The following NRXN1 variants were observed in gnomAD, a reference collection of about 807,000 sequenced individuals.
NRXN1 encodes the protein neurexin-1.
A neutral mutation model predicts 150.9 loss-of-function variants in NRXN1; 39 were observed. The observed-to-expected ratio is 0.26, with a 90% CI of 0.20 to 0.34. The LOEUF (loss-of-function observed/expected upper bound fraction) is 0.34. NRXN1 is among the 10% of genes least tolerant of loss of function. NRXN1 has a pLI of 1.00. For missense variants in NRXN1, 1,815 were observed against 1,949.9 expected, an observed-to-expected ratio of 0.93 and a Z score of 1.30; for synonymous variants, 924 against 757.0, an observed-to-expected ratio of 1.22 and a Z score of -3.62.
chr2:50,829,370 C>T, intron 5 of NRXN1: 17 of 972,782 alleles, frequency 1.7e-5, no homozygotes, highest in East Asian at 7.8e-5. Context: ...TCAGGTGATC[C>T]GCCCGCCTCG....
intron 18 of NRXN1, among the ~76,000 whole-genome samples, chr2:50,107,133 C>A (rs41452045): frequency 0.023 from 3,547 of 151,954 alleles, 140 homozygotes; most frequent in African/African-American, 0.081. Flanking sequence ...GTGAGCCTTG[C>A]GGCATTCCAC....
intron 15 of NRXN1, among the ~76,000 whole-genome samples, chr2:50,488,411 C>T (rs1249025611): frequency 6.6e-6 from 1 of 152,122 alleles, no homozygotes; most frequent in African/African-American, 2.4e-5. Flanking sequence ...CTGAGAAGGC[C>T]AAGTTTACCA....
At chr2:49,946,822 G>A (rs1672990492) in intron 21 of NRXN1, among the ~76,000 whole-genome samples, 1 of 152,082 alleles carries the variant, frequency 6.6e-6, no homozygotes, top group Non-Finnish European at 1.5e-5. Flanking sequence ...TATGCTACAA[G>A]GCTACAGTAA....
At chr2:50,511,223 G>T (rs1305406218) in intron 12 of NRXN1, among the ~76,000 whole-genome samples, 1 of 152,056 alleles carries the variant, frequency 6.6e-6, no homozygotes, top group Non-Finnish European at 1.5e-5. Flanking sequence ...ACCATGCCCA[G>T]CTAATTTTTG....
At chr2:51,029,651 A>G (rs1671169660) in intron 1 of NRXN1, among the ~76,000 whole-genome samples, 1 of 152,254 alleles carries the variant, frequency 6.6e-6, no homozygotes, top group South Asian at 2.1e-4. Context: ...GGAAGCTGCC[A>G]GCTTAGACTT....
At chr2:50,551,257 T>A (rs922470000) in intron 9 of NRXN1, 1 of 152,112 alleles carries the variant, frequency 6.6e-6, no homozygotes, top group Non-Finnish European at 1.5e-5. Flanking sequence ...GGAATCAGAG[T>A]AATGGGTTCT....
chr2:50,911,971 T>C (rs1684588925), intron 5 of NRXN1, among the ~76,000 whole-genome samples: 1 of 151,898 alleles, frequency 6.6e-6, no homozygotes, highest in South Asian at 2.1e-4. Context: ...TTTTCAGTCC[T>C]TTCATAATGG....
chr2:50,663,491 A>G (rs1687598358), intron 5 of NRXN1, among the ~76,000 whole-genome samples: 1 of 152,028 alleles, frequency 6.6e-6, no homozygotes, highest in African/African-American at 2.4e-5. Context: ...GAACCTTTAA[A>G]TTGGAGACTG....
intron 5 of NRXN1, chr2:50,912,919 G>C (rs1684730127): frequency 6.6e-6 from 1 of 151,708 alleles, no homozygotes; most frequent in Non-Finnish European, 1.5e-5. Context: ...GGATCAATCA[G>C]CTTCTCTCTT....
chr2:50,209,264 C>T (rs890715456), intron 18 of NRXN1, among the ~76,000 whole-genome samples: 7 of 152,106 alleles, frequency 4.6e-5, no homozygotes, highest in Non-Finnish European at 8.8e-5. Context: ...TGGACTCTAG[C>T]GTTCATTATA....
chr2:50,808,971 A>C (rs1667863355), intron 5 of NRXN1, among the ~76,000 whole-genome samples: 1 of 152,088 alleles, frequency 6.6e-6, no homozygotes, highest in Non-Finnish European at 1.5e-5. Flanking sequence ...TTTTAGGAAA[A>C]AATCTTTCTA....
rs563045904 is a variant in NRXN1, at chr2:49,994,843, G to A, written c.4129-51052C>T. Among the ~76,000 whole-genome samples, 461 of 152,326 alleles carry A rather than the reference G, an allele frequency of 3.0e-3. 2 individuals are homozygous for A. The highest frequency in any genetic ancestry group is 4.1e-3 in the Non-Finnish European group (281 of 68,044). The stretch of plus-strand genomic sequence containing the variant: ...TGAATTTCTAGAAGTTAATAAACAG[G>A]TTGGTAGTTTTCTTCCACTTTGCTC... On this transcript the variant is annotated intron_variant, in intron 21 of 22. Coordinates refer to ENST00000401669, the MANE Select transcript of NRXN1 (RefSeq NM_001330078.2).
intron 17 of NRXN1, among the ~76,000 whole-genome samples, chr2:50,258,289 C>G (rs1481094512): frequency 6.6e-6 from 1 of 152,070 alleles, no homozygotes; most frequent in African/African-American, 2.4e-5. Context: ...CCTGCTGCTG[C>G]TTTTTCAACT....
chr2:50,397,687 T>C (rs1642245816), intron 17 of NRXN1, among the ~76,000 whole-genome samples: 2 of 152,158 alleles, frequency 1.3e-5, no homozygotes, highest in South Asian at 4.1e-4. Context: ...ACAGTTGTTT[T>C]CTGGCTACTG....
At chr2:50,564,447 G>T (rs143224565) in intron 8 of NRXN1, among the ~76,000 whole-genome samples, 7 of 152,022 alleles carry the variant, frequency 4.6e-5, no homozygotes, top group Non-Finnish European at 8.8e-5. Context: ...CTCAAATTTC[G>T]TAATTTTATC....
chr2:50,885,621 G>C (rs1680116150), intron 5 of NRXN1, among the ~76,000 whole-genome samples: 1 of 151,348 alleles, frequency 6.6e-6, no homozygotes, highest in South Asian at 2.1e-4. Flanking sequence ...TGTCCCAGGA[G>C]ATATGAAGTC....
chr2:50,926,996 T>C (rs1420207004), intron 2 of NRXN1, among the ~76,000 whole-genome samples: 1 of 151,928 alleles, frequency 6.6e-6, no homozygotes, highest in East Asian at 1.9e-4. Flanking sequence ...AAAGCTGTCT[T>C]AGGGGACTAG....
At chr2:50,743,550 C>T (rs535868201) in intron 5 of NRXN1, among the ~76,000 whole-genome samples, 2 of 152,212 alleles carry the variant, frequency 1.3e-5, no homozygotes, top group East Asian at 1.9e-4. Context: ...CTTCCCACAT[C>T]AATTTTGTTT....
chr2:50,240,173 CTT>C, intron 17 of NRXN1, among the ~76,000 whole-genome samples: 1 of 151,758 alleles, frequency 6.6e-6, no homozygotes, highest in African/African-American at 2.4e-5. Flanking sequence ...TTTAGAATGA[CTT>C]TACAGTTTTT....
Sources: gnomAD v4.1 joint callset for allele counts (sites outside exome capture counted in the v4.1 genomes callset) on GRCh38, gnomAD v4.1.1 for gene constraint, MANE v1.5 for transcripts, NCBI Gene and HGNC (gene_info 2026-07-23, HGNC 2026-07-21) for gene names.